Variants in SLC22A6 observed in about 807,000 individuals in gnomAD.
SLC22A6 encodes PAH transporter.
A neutral mutation model predicts 56.7 loss-of-function variants in SLC22A6; 45 were observed. The ratio of observed to expected loss-of-function variants is 0.79; its 90% CI spans 0.63 to 1.02. SLC22A6 has a LOEUF of 1.02. Ranked by LOEUF, SLC22A6 falls within the 50% of genes least tolerant of loss-of-function variation. The pLI is 0.00. For synonymous variants in SLC22A6, 291 were observed against 295.9 expected, an observed-to-expected ratio of 0.98 and a Z score of 0.17; for missense variants, 606 against 713.8, an observed-to-expected ratio of 0.85 and a Z score of 1.72.
rs1419353314 is a variant in SLC22A6 at position 62,984,457 on chromosome 11, G to A, written c.234C>T (p.Cys78=). ...CCCACTGCGGGGAGGTGAAGCGGAG[G>A]CAGGACTCAGGCTGCCCCTGCCTGT... ...PRDRQGQPES[C]LRFTSPQWGL... Residue 78 remains cysteine (C), a synonymous_variant, in exon 1 of 10, where the codon TGC becomes TGT. Coordinates refer to ENST00000360421, the MANE Select transcript of SLC22A6 (RefSeq NM_153276.3). 3.1e-6 allele frequency: 5 copies of A among 1,613,944 alleles called. No homozygotes were observed. The South Asian group carries it at 5.5e-5, about 18-fold the overall frequency.
At position 62,976,639 on chromosome 11, in the gene SLC22A6, T is replaced by G; in HGVS notation, c.*155A>C. 4 of 583,184 alleles carry G rather than the reference T, an allele frequency of 6.9e-6. No homozygotes were observed. Among genetic ancestry groups the G allele is most frequent in the East Asian group, 2.9e-5 (1 of 34,900 alleles). 36.1% of individuals were successfully genotyped at this position (583,184 alleles called of 1,614,324 possible). ...TTTTAATGATGTGGTTCTGGTGGGGTTTATAAAGGGAGGTGGACCCCTGGG... is the reference window on the plus strand; with the variant it reads ...TTTTAATGATGTGGTTCTGGTGGGGGTTATAAAGGGAGGTGGACCCCTGGG... On this transcript the variant is annotated 3_prime_UTR_variant, in exon 10 of 10. Coordinates refer to ENST00000360421, the MANE Select transcript of SLC22A6 (RefSeq NM_153276.3).
intron 5 of SLC22A6, 36 bp from the exon 6 acceptor site, chr11:62,981,136 T>C (rs1248334997): frequency 6.2e-7 from 1 of 1,607,474 alleles, no homozygotes; most frequent in South Asian, 1.1e-5. Flanking sequence ...CCCGGGATCC[T>C]CCCAAGGAGC....
Position 62,983,335 on chromosome 11 carries a change from C to T in SLC22A6, c.628+202G>A, listed in dbSNP as rs986936441. 9.2e-5 allele frequency among the ~76,000 whole-genome samples: 14 copies of T among 152,306 alleles called. 1 individual carries two copies. The highest frequency in any genetic ancestry group is 3.4e-3 in the Middle Eastern group (1 of 294). On this transcript the variant is annotated intron_variant, in intron 3 of 9. Coordinates refer to ENST00000360421, the MANE Select transcript of SLC22A6 (RefSeq NM_153276.3). This position sits in a 1 kb window ranked among gnomAD's most constrained non-coding sequence, Gnocchi z 4.5. Reference sequence around the variant, plus strand: ...CTGGGATTACAGGTGTGAGCCACTGCGCCTGGCCCGCAATCCTGTTTTTAA... The same window carrying T: ...CTGGGATTACAGGTGTGAGCCACTGTGCCTGGCCCGCAATCCTGTTTTTAA...
intron 9 of SLC22A6, 27 bp from the exon 10 acceptor site, chr11:62,976,908 C>CT (rs1345524405): frequency 6.2e-7 from 1 of 1,611,556 alleles, no homozygotes; most frequent in Admixed American, 1.7e-5. Context: ...GAATGGCACT[C>CT]TGGGTATGCA....
At position 62,979,468 on chromosome 11, in the gene SLC22A6, C is replaced by T. The variant is rs201686570; in HGVS notation, c.1361+20G>A. ...TTCCCCAGGAAAAGGCTGTCATTCTCCCATTAGGCTCCCACTCACCGGATC... is the reference window on the plus strand; with the variant it reads ...TTCCCCAGGAAAAGGCTGTCATTCTTCCATTAGGCTCCCACTCACCGGATC... On this transcript the variant is annotated intron_variant, in intron 8 of 9. Transcript: ENST00000360421. 3,861 of 1,452,850 alleles carry T rather than the reference C, an allele frequency of 2.7e-3. 96 individuals carry two copies. In the South Asian group the frequency reaches 0.042, roughly 16 times the overall value. 90.0% of individuals were successfully genotyped at this position (1,452,850 alleles called of 1,614,324 possible).
chr11:62,981,879 C>T lies in SLC22A6; in HGVS notation c.760G>A (p.Val254Ile). ...AAGAAGGCAAAAAAAGGCGCAGAGACCAGTAGCTGCAGGTGGCGCCAGTGG... is the reference window on the plus strand; with the variant it reads ...AAGAAGGCAAAAAAAGGCGCAGAGATCAGTAGCTGCAGGTGGCGCCAGTGG... Reference protein sequence around the residue: ...VPHWRHLQLLVSAPFFAFFIY... With the variant: ...VPHWRHLQLLISAPFFAFFIY... The change falls in exon 4 of 10, where the codon GTC (valine) becomes ATC (isoleucine). Residue 254 changes from valine (V) to isoleucine (I), a missense_variant. Transcript: ENST00000360421. 6.2e-7 allele frequency: 1 copy of T among 1,613,694 alleles called. No homozygotes were observed. Among genetic ancestry groups the T allele is most frequent in the Non-Finnish European group, 8.5e-7 (1 of 1,179,862 alleles).
At chr11:62,977,072 G>A in intron 9 of SLC22A6, 112 bp downstream of exon 9, 3 of 1,589,168 alleles carry the variant, frequency 1.9e-6, no homozygotes, top group Non-Finnish European at 2.6e-6. Context: ...GGGGACAAAG[G>A]GACACAGAGC....
At chr11:62,982,123 G>A (rs1238781529) in intron 3 of SLC22A6, 113 bp from the exon 4 acceptor site, 1 of 955,510 alleles carries the variant, frequency 1.0e-6, no homozygotes, top group Non-Finnish European at 1.5e-6. Flanking sequence ...AAAATGCATC[G>A]AGTAAGTTGA....
At position 62,979,599 on chromosome 11, in the gene SLC22A6, A is replaced by G; in HGVS notation, c.1253-3T>C. ...AGAGGTTCGGACAATGGACTGGTCT[A>G]GAGAGAAAGAAGGGGGGATAGCAGG... On this transcript the variant is annotated splice_region_variant and splice_polypyrimidine_tract_variant and intron_variant, in intron 7 of 9. Transcript: ENST00000360421. 3.1e-6 allele frequency: 5 copies of G among 1,612,712 alleles called. No individual in the cohort carries two copies. Among genetic ancestry groups the G allele is most frequent in the Non-Finnish European group, 3.4e-6 (4 of 1,178,722 alleles).
chr11:62,979,394 A>G lies in SLC22A6; in HGVS notation c.1361+94T>C, dbSNP rs547006101. 1.0e-5 allele frequency: 9 copies of G among 873,092 alleles called. No individual in the cohort carries two copies. In the East Asian group the frequency reaches 2.0e-4, roughly 19 times the overall value. 54.1% of individuals were successfully genotyped at this position (873,092 alleles called of 1,614,324 possible). Reference sequence around the variant, plus strand: ...TGTTGGGAGGGGCCTTTGGGCTGGGATGTACTTGATTTAGCTCTGGGGTCT... The same window carrying G: ...TGTTGGGAGGGGCCTTTGGGCTGGGGTGTACTTGATTTAGCTCTGGGGTCT... On this transcript the variant is annotated intron_variant, in intron 8 of 9. Transcript: ENST00000360421.
chr11:62,984,371 T>C lies in SLC22A6; in HGVS notation c.320A>G (p.Asp107Gly), dbSNP rs755443393. 3 of 1,613,822 alleles carry C rather than the reference T, an allele frequency of 1.9e-6. No individual in the cohort carries two copies. Among genetic ancestry groups the C allele is most frequent in the Non-Finnish European group, 2.5e-6 (3 of 1,179,950 alleles). Residue 107 changes from aspartate (D) to glycine (G), a missense_variant, in exon 1 of 10, where the codon GAT (aspartate) becomes GGT (glycine). Asp to Gly is a moderately conservative substitution (Grantham distance 94, BLOSUM62 -1). Transcript: ENST00000360421. ...GGTGCTGTTGTCATAGATCCAGCCA[T>C]CGGTGCAGGGCTCTGTGGCCCCTGT... ...NGTGATEPCTDGWIYDNSTFP... is the reference protein window; with the variant it reads ...NGTGATEPCTGGWIYDNSTFP...
intron 5 of SLC22A6, 52 bp from the exon 6 acceptor site, chr11:62,981,152 C>A: frequency 6.2e-7 from 1 of 1,604,436 alleles, no homozygotes; most frequent in Non-Finnish European, 8.5e-7. Flanking sequence ...GGAGCTCCTC[C>A]CAGCCTAATC....
chr11:62,978,971 G>T (rs917382156), intron 8 of SLC22A6, among the ~76,000 whole-genome samples: 1 of 152,126 alleles, frequency 6.6e-6, no homozygotes, highest in African/African-American at 2.4e-5. Flanking sequence ...ACCGTGCCGG[G>T]CCCCCATTCT....
At chr11:62,980,950 CT>C in intron 6 of SLC22A6, 34 bp downstream of exon 6, 1 of 1,545,946 alleles carries the variant, frequency 6.5e-7, no homozygotes. Flanking sequence ...CCCAGCCAGC[CT>C]TTTGTCTCAG....
rs759569649 is a variant in SLC22A6 at position 62,984,580 on chromosome 11, C to T, written c.111G>A (p.Leu37=). The change falls in exon 1 of 10, where the codon CTG becomes CTA. Residue 37 remains leucine, a synonymous_variant. Coordinates refer to ENST00000360421, the MANE Select transcript of SLC22A6 (RefSeq NM_153276.3). The part of the protein sequence containing the change: ...PLLLMASHNT[L]QNFTAAIPTH... The stretch of plus-strand genomic sequence containing the variant: ...TAGGGATGGCAGCAGTGAAGTTCTG[C>T]AGGGTGTTGTGAGAAGCCATCAGGA... The T allele has an allele frequency of 8.7e-6, 14 of 1,613,494 alleles. No homozygotes were observed. The Admixed American group carries it at 2.2e-4, about 25-fold the overall frequency.
chr11:62,977,360 G>GGTGC lies in SLC22A6; in HGVS notation c.1385_1388dup (p.Met464HisfsTer?). ...TCACGATGCTGCCCACTCGGGCCAT[G>GGTGC]GTGCTGCCCATTCCCATGCCTGTCT... On this transcript the variant is annotated frameshift_variant, in exon 9 of 10. Transcript: ENST00000360421. LOFTEE classifies it high-confidence loss of function. 2 of 1,611,842 alleles carry GGTGC rather than the reference G, an allele frequency of 1.2e-6. No individual in the cohort carries two copies. Among genetic ancestry groups the GGTGC allele is most frequent in the Non-Finnish European group, 1.7e-6 (2 of 1,179,858 alleles).
rs1480854540 is a variant in SLC22A6 at position 62,983,456 on chromosome 11, G to A, written c.628+81C>T. The stretch of plus-strand genomic sequence containing the variant: ...GCTGGAGGGCAGGCAGGGCTCAGGA[G>A]GGGCAGGCTGGGAGGGGAGGCTGGA... On this transcript the variant is annotated intron_variant, in intron 3 of 9. Transcript: ENST00000360421. The surrounding 1 kb of genome is among the most constrained non-coding windows in gnomAD (Gnocchi z 4.5). 6.9e-7 allele frequency: 1 copy of A among 1,440,368 alleles called. No individual in the cohort carries two copies. 89.2% of individuals were successfully genotyped at this position (1,440,368 alleles called of 1,614,324 possible).
rs149065063 is a variant in SLC22A6, at chr11:62,977,285, G to T, written c.1464C>A (p.Phe488Leu). 9 of 1,614,018 alleles carry T rather than the reference G, an allele frequency of 5.6e-6. No homozygotes were observed. Among genetic ancestry groups the T allele is most frequent in the African/African-American group, 2.7e-5 (2 of 74,954 alleles). ...CGGCCACAGGAACAGCACCGTAGATGAAGAGAGGCATGGAGGGGTAGAGCT... is the reference window on the plus strand; with the variant it reads ...CGGCCACAGGAACAGCACCGTAGATTAAGAGAGGCATGGAGGGGTAGAGCT... ...TAELYPSMPL[F>L]IYGAVPVAAS... Residue 488 changes from phenylalanine to leucine, a missense_variant, in exon 9 of 10, where the codon TTC becomes TTA. Physicochemically the swap from Phe to Leu is conservative, Grantham distance 22. Transcript: ENST00000360421.
Position 62,976,680 on chromosome 11 carries a change from ACCACAACCC to A in SLC22A6, c.*105_*113del. The A allele has an allele frequency of 2.4e-6, 2 of 842,446 alleles. No individual in the cohort carries two copies. Among genetic ancestry groups the A allele is most frequent in the Non-Finnish European group, 3.7e-6 (2 of 538,824 alleles). 52.2% of individuals were successfully genotyped at this position (842,446 alleles called of 1,614,324 possible). On this transcript the variant is annotated 3_prime_UTR_variant, in exon 10 of 10. Coordinates refer to ENST00000360421, the MANE Select transcript of SLC22A6 (RefSeq NM_153276.3). ...GACCCCTGGGAAGATGCTTTCCTGA[ACCACAACCC>A]CCACACTTGGGTCACCATTTCCTCT...
Sources: allele counts gnomAD v4.1 joint callset (sites outside exome capture counted in the v4.1 genomes callset), GRCh38; gene constraint gnomAD v4.1.1; non-coding constraint Gnocchi (gnomAD v3.1); transcripts MANE v1.5; gene names NCBI Gene and HGNC (gene_info 2026-07-23, HGNC 2026-07-21).